The following RTN4 variants were observed in gnomAD, a reference collection of about 807,000 sequenced individuals.
The protein encoded by RTN4 is reticulon 4, also known as reticulon-4.
In RTN4, 32 loss-of-function variants were observed where a neutral mutation model predicts 90.4. The ratio of observed to expected loss-of-function variants is 0.35; its 90% CI spans 0.27 to 0.48. RTN4 has a LOEUF of 0.48. Among genes scored for constraint, RTN4 ranks in the 20% least tolerant of loss-of-function variants. RTN4 has a pLI of 0.99. For missense variants in RTN4, 1,706 were observed against 1,430.2 expected (o/e 1.19, Z -3.11); for synonymous variants, 629 against 552.5 (o/e 1.14, Z -1.94).
chr2:55,088,288 C>A (rs1019111365), intron 1 of RTN4, among the ~76,000 whole-genome samples: 10 of 152,216 alleles, frequency 6.6e-5, no homozygotes, highest in South Asian at 2.1e-4. Context: ...GGAATGACAA[C>A]TTATTTTCTG....
intron 5 of RTN4, among the ~76,000 whole-genome samples, chr2:54,981,269 G>C (rs1272397503): frequency 6.6e-6 from 1 of 150,976 alleles, no homozygotes; most frequent in Non-Finnish European, 1.5e-5. Flanking sequence ...GGTTATAAAG[G>C]CTAAAATGTT....
chr2:55,002,870 T>C (rs1679944689), intron 3 of RTN4, among the ~76,000 whole-genome samples: 1 of 152,218 alleles, frequency 6.6e-6, no homozygotes, highest in Non-Finnish European at 1.5e-5. Flanking sequence ...CATGTGGTTA[T>C]TAAGTTACTA....
Position 55,027,306 on chromosome 2 carries a change from G to T in RTN4, c.793C>A (p.Leu265Ile). 1.9e-6 allele frequency: 3 copies of T among 1,613,662 alleles called. No homozygotes were observed. The highest frequency in any genetic ancestry group is 2.5e-6 in the Non-Finnish European group (3 of 1,179,716). Residue 265 changes from leucine (L) to isoleucine (I), a missense_variant, in exon 3 of 9, where the codon CTT becomes ATT. Coordinates refer to ENST00000337526, the MANE Select transcript of RTN4 (RefSeq NM_020532.5). ...LSTVLPTEGTLQENVSEASKE... is the reference protein window; with the variant it reads ...LSTVLPTEGTIQENVSEASKE... ...GAAGCTTCACTGACATTTTCTTGAA[G>T]TGTTCCTTCAGTGGGTAATACTGTT...
At chr2:55,039,393 C>A (rs1415438328) in intron 1 of RTN4, among the ~76,000 whole-genome samples, 1 of 152,076 alleles carries the variant, frequency 6.6e-6, no homozygotes, top group Non-Finnish European at 1.5e-5. Context: ...ACTAATAAAT[C>A]AAATTGATCT....
At chr2:55,009,300 A>C (rs1306236403) in intron 3 of RTN4, among the ~76,000 whole-genome samples, 1 of 152,208 alleles carries the variant, frequency 6.6e-6, no homozygotes, top group Non-Finnish European at 1.5e-5. Context: ...GGTCAGATAT[A>C]CAGCCTACCA....
intron 1 of RTN4, among the ~76,000 whole-genome samples, chr2:55,036,916 C>T (rs375631637): frequency 2.6e-5 from 4 of 152,080 alleles, no homozygotes; most frequent in East Asian, 1.9e-4. Context: ...CCAGGCTTCT[C>T]GTAAAGATCT....
Position 55,014,026 on chromosome 2 carries a change from T to C in RTN4, c.3013+11060A>G, listed in dbSNP as rs141726114. The stretch of plus-strand genomic sequence containing the variant: ...TAGCTACACAGTAGTTTTAAGCTTA[T>C]TTCAAAATTTAACTATTCTGAGCTA... On this transcript the variant is annotated intron_variant, in intron 3 of 8. Coordinates refer to ENST00000337526, the MANE Select transcript of RTN4 (RefSeq NM_020532.5). Among the ~76,000 whole-genome samples, 86 of 152,334 alleles carry C rather than the reference T, an allele frequency of 5.6e-4. 1 individual carries two copies. Among genetic ancestry groups the C allele is most frequent in the Admixed American group, 5.0e-3 (77 of 15,296 alleles).
intron 3 of RTN4, among the ~76,000 whole-genome samples, chr2:54,999,364 G>A (rs1040373424): frequency 2.0e-5 from 3 of 152,100 alleles, no homozygotes; most frequent in Non-Finnish European, 4.4e-5. Context: ...CATGCCTTAC[G>A]TGCAGAAGTC....
intron 3 of RTN4, among the ~76,000 whole-genome samples, chr2:54,993,540 C>T (rs1238614095): frequency 1.3e-5 from 2 of 152,194 alleles, no homozygotes; most frequent in African/African-American, 4.8e-5. Context: ...CCCTAACCTA[C>T]CACTTCCTTT....
chr2:55,013,169 A>T (rs1680768354), intron 3 of RTN4, among the ~76,000 whole-genome samples: 1 of 152,142 alleles, frequency 6.6e-6, no homozygotes, highest in African/African-American at 2.4e-5. Flanking sequence ...ATGAATTCTA[A>T]GCCCTATTTC....
At position 55,107,370 on chromosome 2, in the gene RTN4, G is replaced by T. The variant is rs1163363658; in HGVS notation, c.-214+5150C>A. ...AATAAGTTTTAAAAAATCTTGTAAG[G>T]ATTTAAATTTGCTGAATGTAAAGAC... On this transcript the variant is annotated intron_variant, in intron 1 of 3. Transcript: ENST00000427710. 2.3e-5 allele frequency among the ~76,000 whole-genome samples: 3 copies of T among 130,560 alleles called. No homozygotes were observed. The East Asian group carries it at 6.4e-4, about 28-fold the overall frequency. 85.7% of individuals were successfully genotyped at this position (130,560 alleles called of 152,430 possible).
rs115953055 is a variant in RTN4 at position 54,989,618 on chromosome 2, G to A, written c.3014-1920C>T. Among the ~76,000 whole-genome samples, 151 of 152,292 alleles carry A rather than the reference G, an allele frequency of 9.9e-4. 2 individuals carry two copies. Among genetic ancestry groups the A allele is most frequent in the African/African-American group, 3.5e-3 (144 of 41,558 alleles). On this transcript the variant is annotated intron_variant, in intron 3 of 8. Transcript: ENST00000337526. ...TTCAAGTAACTCAACCTAGCAGAAT[G>A]AGAAAACTCATTCTGATTCTTGAAG...
chr2:55,111,241 A>G (rs1290430192), intron 1 of RTN4, among the ~76,000 whole-genome samples: 1 of 152,206 alleles, frequency 6.6e-6, no homozygotes, highest in Non-Finnish European at 1.5e-5. Context: ...TTGCATGAAA[A>G]AAAAAAATTC....
intron 1 of RTN4, among the ~76,000 whole-genome samples, chr2:55,041,684 G>A (rs1258367309): frequency 2.0e-5 from 3 of 151,802 alleles, no homozygotes; most frequent in Non-Finnish European, 4.4e-5. Flanking sequence ...TCACTCTCTA[G>A]AACAAAACAA....
At chr2:55,100,398 T>A (rs1667831108) in intron 1 of RTN4, among the ~76,000 whole-genome samples, 1 of 152,134 alleles carries the variant, frequency 6.6e-6, no homozygotes, top group Non-Finnish European at 1.5e-5. Context: ...ATCACATAAA[T>A]CTTAATGCTG....
chr2:55,106,328 C>G (rs938629102), intron 1 of RTN4, among the ~76,000 whole-genome samples: 8 of 151,958 alleles, frequency 5.3e-5, no homozygotes, highest in Admixed American at 2.0e-4. Context: ...TTCCTTCTTT[C>G]TCATAATATA....
the RTN4 span, among the ~76,000 whole-genome samples, chr2:55,133,204 C>G: frequency 2.0e-5 from 3 of 152,112 alleles, no homozygotes; most frequent in African/African-American, 7.2e-5. Context: ...GACTGAGACT[C>G]TGTCTCAAAA....
chr2:55,031,829 C>T (rs1462821133), intron 1 of RTN4, among the ~76,000 whole-genome samples: 1 of 152,198 alleles, frequency 6.6e-6, no homozygotes, highest in Non-Finnish European at 1.5e-5. Context: ...CAAGCCTAAA[C>T]TATTTACTCT....
chr2:54,983,824 C>T (rs1678337926), intron 4 of RTN4, among the ~76,000 whole-genome samples: 1 of 152,204 alleles, frequency 6.6e-6, no homozygotes. Context: ...AGCTATACAA[C>T]ATTGCAAAAG....
Sources: gnomAD v4.1 joint callset for allele counts (sites outside exome capture counted in the v4.1 genomes callset) on GRCh38, gnomAD v4.1.1 for gene constraint, MANE v1.5 for transcripts, NCBI Gene and HGNC (gene_info 2026-07-23, HGNC 2026-07-21) for gene names.